The following WDR72 variants were observed in gnomAD, a reference collection of about 807,000 sequenced individuals.
WDR72 encodes the protein WD repeat-containing protein 72.
In WDR72, 120 loss-of-function variants were observed where a neutral mutation model predicts 124.2. The observed-to-expected ratio is 0.97, with a 90% CI of 0.83 to 1.12. WDR72 has a LOEUF of 1.12. WDR72 is among the 50% of genes most tolerant of loss of function. The probability of loss-of-function intolerance (pLI) is 0.00; values close to 1 mark genes in which losing one functional copy is unlikely to be tolerated. For missense variants in WDR72, 1,387 were observed against 1,278.8 expected (o/e 1.08, Z -1.29); for synonymous variants, 452 against 441.7 (o/e 1.02, Z -0.29).
intron 14 of WDR72, among the ~76,000 whole-genome samples, chr15:53,649,382 G>C (rs1211196811): frequency 6.6e-6 from 1 of 152,116 alleles, no homozygotes; most frequent in Non-Finnish European, 1.5e-5. Flanking sequence ...TTAATTGTAT[G>C]CAAAATATTT....
At chr15:53,614,555 G>T (rs777789801) in intron 15 of WDR72, among the ~76,000 whole-genome samples, 3 of 151,946 alleles carry the variant, frequency 2.0e-5, no homozygotes, top group Non-Finnish European at 4.4e-5. Flanking sequence ...TTAATGAAAG[G>T]CGTACCAAAA....
At chr15:53,589,903 G>A (rs1438498691) in intron 18 of WDR72, among the ~76,000 whole-genome samples, 1 of 152,008 alleles carries the variant, frequency 6.6e-6, no homozygotes, top group East Asian at 1.9e-4. Context: ...TCTTTAAGAT[G>A]ATACAGAGAG....
chr15:53,746,275 TG>T (rs1368327661), intron 1 of WDR72, among the ~76,000 whole-genome samples: 1 of 152,186 alleles, frequency 6.6e-6, no homozygotes, highest in Non-Finnish European at 1.5e-5. Flanking sequence ...TGTGGTTTTG[TG>T]GGTGGTGTCT....
At position 53,516,123 on chromosome 15, in the gene WDR72, A is replaced by G. The variant is rs1024832285; in HGVS notation, c.*1576T>C. On this transcript the variant is annotated 3_prime_UTR_variant, in exon 20 of 20. Transcript: ENST00000360509. ...AGGAGGGGGAATATATTTATCAATC[A>G]GTTTTCAAAGGATAATAATTTTCCA... The G allele has an allele frequency of 2.6e-5, 4 of 152,106 alleles. No individual in the cohort carries two copies. The highest frequency in any genetic ancestry group is 9.7e-5 in the African/African-American group (4 of 41,432). 9.4% of individuals were successfully genotyped at this position (152,106 alleles called of 1,614,324 possible). A position where few individuals can be genotyped will look rare whatever the true frequency, so the allele number is the denominator to read the frequency against.
rs910603348 is a variant in WDR72 at position 53,515,417 on chromosome 15, G to T, written c.*2282C>A. The T allele has an allele frequency of 1.3e-5, 2 of 152,222 alleles. No individual in the cohort carries two copies. Among genetic ancestry groups the T allele is most frequent in the Non-Finnish European group, 1.5e-5 (1 of 68,028 alleles). 9.4% of individuals were successfully genotyped at this position (152,222 alleles called of 1,614,324 possible). A position where few individuals can be genotyped will look rare whatever the true frequency, so the allele number is the denominator to read the frequency against. The stretch of plus-strand genomic sequence containing the variant: ...ATAACAGAAATTACTGAAATATGTG[G>T]AACACCAGTCAATATAAAGAATTCA... On this transcript the variant is annotated 3_prime_UTR_variant, in exon 20 of 20. Coordinates refer to ENST00000360509, the MANE Select transcript of WDR72 (RefSeq NM_182758.4).
Position 53,716,599 on chromosome 15 carries a change from G to A in WDR72, c.339+8C>T, listed in dbSNP as rs762423499. The A allele has an allele frequency of 1.8e-5, 28 of 1,581,120 alleles. 1 individual carries two copies. In the Middle Eastern group the frequency reaches 5.0e-4, roughly 28 times the overall value. ...TAGAAATGCCCTGAAGGAAGTGAGT[G>A]TACTTACACAGATTGCAGTGTGCCT... is the stretch of plus-strand genomic sequence containing the variant. On this transcript the variant is annotated splice_region_variant and intron_variant, in intron 4 of 19. Transcript: ENST00000360509.
intron 18 of WDR72, among the ~76,000 whole-genome samples, chr15:53,532,329 G>C (rs1892526819): frequency 6.6e-6 from 1 of 152,068 alleles, no homozygotes. Context: ...ATGTCAAAGG[G>C]ATATCTGTAT....
At chr15:53,547,972 G>T (rs186404659) in intron 18 of WDR72, among the ~76,000 whole-genome samples, 9 of 152,348 alleles carry the variant, frequency 5.9e-5, no homozygotes, top group African/African-American at 9.6e-5. Context: ...AAATGTTGCT[G>T]ATCTCCAAAG....
At chr15:53,587,463 T>C (rs1234942658) in intron 18 of WDR72, among the ~76,000 whole-genome samples, 1 of 152,044 alleles carries the variant, frequency 6.6e-6, no homozygotes, top group African/African-American at 2.4e-5. Context: ...AGTATGTTAC[T>C]ATATCTTTCA....
chr15:53,696,165 C>T (rs946216183), intron 13 of WDR72, among the ~76,000 whole-genome samples: 8 of 152,176 alleles, frequency 5.3e-5, no homozygotes, highest in East Asian at 1.9e-4. Flanking sequence ...TCCTCCTTCA[C>T]GTAGTTAGAG....
chr15:53,701,559 T>TCTCTCTCACACACACACACA (rs369568228), intron 12 of WDR72, among the ~76,000 whole-genome samples: 1 of 120,102 alleles, frequency 8.3e-6, no homozygotes, highest in African/African-American at 2.9e-5. Flanking sequence ...TCTCTCTCTC[T>TCTCTCTCACACACACACACA]CACACACACA....
chr15:53,566,891 A>G (rs944383324), intron 18 of WDR72, among the ~76,000 whole-genome samples: 2 of 151,952 alleles, frequency 1.3e-5, no homozygotes, highest in African/African-American at 4.8e-5. Flanking sequence ...ATACCCACCA[A>G]CACTGTCTTG....
chr15:53,663,438 T>G (rs920946284), intron 14 of WDR72, among the ~76,000 whole-genome samples: 1 of 152,178 alleles, frequency 6.6e-6, no homozygotes, highest in Admixed American at 6.6e-5. Context: ...CTCTGGCATT[T>G]CATTGCTTCT....
intron 14 of WDR72, among the ~76,000 whole-genome samples, chr15:53,636,285 T>A (rs939132291): frequency 6.6e-6 from 1 of 152,270 alleles, no homozygotes; most frequent in East Asian, 1.9e-4. Context: ...AACCTAAGAT[T>A]TGAGGTTTCC....
At chr15:53,681,510 T>C (rs979250063) in intron 13 of WDR72, among the ~76,000 whole-genome samples, 7 of 151,818 alleles carry the variant, frequency 4.6e-5, no homozygotes, top group African/African-American at 1.2e-4. Context: ...CAGAACTCAA[T>C]CCAAAAGTGT....
rs1400976052 is a variant in WDR72 at position 53,515,495 on chromosome 15, T to C, written c.*2204A>G. ...CATAAACACACTTGCGTATGGATATTAGGAGAGCATTGCTTGAATATCTCT... is the reference window on the plus strand; with the variant it reads ...CATAAACACACTTGCGTATGGATATCAGGAGAGCATTGCTTGAATATCTCT... On this transcript the variant is annotated 3_prime_UTR_variant, in exon 20 of 20. Transcript: ENST00000360509. The C allele has an allele frequency of 6.6e-6, 1 of 152,198 alleles. No homozygotes were observed. Among genetic ancestry groups the C allele is most frequent in the South Asian group, 2.1e-4 (1 of 4,832 alleles). 9.4% of individuals were successfully genotyped at this position (152,198 alleles called of 1,614,324 possible). A position where few individuals can be genotyped will look rare whatever the true frequency, so the allele number is the denominator to read the frequency against.
intron 18 of WDR72, among the ~76,000 whole-genome samples, chr15:53,577,738 G>C (rs1396135171): frequency 6.6e-6 from 1 of 152,084 alleles, no homozygotes; most frequent in African/African-American, 2.4e-5. Flanking sequence ...TCCGAGGTTT[G>C]TTTCAGAGTG....
chr15:53,720,632 C>T (rs985244797), intron 3 of WDR72, among the ~76,000 whole-genome samples: 10 of 152,034 alleles, frequency 6.6e-5, no homozygotes, highest in Admixed American at 4.6e-4. Context: ...ATTTTCTGTC[C>T]ACTTTTTGAA....
chr15:53,535,316 G>C (rs1892703690), intron 18 of WDR72, among the ~76,000 whole-genome samples: 1 of 152,156 alleles, frequency 6.6e-6, no homozygotes, highest in African/African-American at 2.4e-5. Context: ...CCATGGAAGA[G>C]ATTCTCCCTT....
Sources: gnomAD v4.1 joint callset for allele counts (sites outside exome capture counted in the v4.1 genomes callset) on GRCh38, gnomAD v4.1.1 for gene constraint, MANE v1.5 for transcripts, NCBI Gene and HGNC (gene_info 2026-07-23, HGNC 2026-07-21) for gene names.